Variants in PCDHGB4 observed in about 807,000 individuals in gnomAD.
PCDHGB4 encodes the protein protocadherin gamma subfamily B, 4.
Under a neutral mutation model 60.5 loss-of-function variants are expected in PCDHGB4, and 38 were observed. That is an observed-to-expected ratio of 0.63 (90% CI 0.48 to 0.82). PCDHGB4 has a LOEUF of 0.82. PCDHGB4 is among the 40% of genes least tolerant of loss of function. The pLI, the probability that PCDHGB4 is intolerant of heterozygous loss-of-function variation, is 0.00. For missense variants in PCDHGB4, 1,109 were observed against 1,209.6 expected (o/e 0.92, Z 1.23); for synonymous variants, 456 against 509.7 (o/e 0.89, Z 1.42).
rs1267965791 is a variant in PCDHGB4, at chr5:141,431,329, G to C, written c.2397+41048G>C. 1 of 1,614,002 alleles carries C rather than the reference G, an allele frequency of 6.2e-7. No individual in the cohort carries two copies. Among genetic ancestry groups the C allele is most frequent in the East Asian group, 2.2e-5 (1 of 44,904 alleles). On this transcript the variant is annotated intron_variant, in intron 1 of 3. Coordinates refer to ENST00000519479, the MANE Select transcript of PCDHGB4 (RefSeq NM_003736.4). The surrounding 1 kb of genome is among the most constrained non-coding windows in gnomAD (Gnocchi z 4.8). ...TGCAAAATGGAGCCGACGGTAGTAA[G>C]TACCCCGAATTGGTGCTGAAACGCG...
intron 1 of PCDHGB4, among the ~76,000 whole-genome samples, chr5:141,406,024 G>A (rs2094747494): frequency 6.6e-6 from 1 of 151,462 alleles, no homozygotes; most frequent in Admixed American, 6.6e-5. Flanking sequence ...TTTTTGGGTA[G>A]GGTTGCTTCA....
intron 1 of PCDHGB4, chr5:141,421,253 A>G: frequency 6.2e-7 from 1 of 1,607,298 alleles, no homozygotes; most frequent in South Asian, 1.1e-5. Context: ...CAGCGCGGGG[A>G]CCGCAGTCGG....
intron 1 of PCDHGB4, among the ~76,000 whole-genome samples, chr5:141,459,101 C>A (rs1021289352): frequency 6.6e-6 from 1 of 152,192 alleles, no homozygotes; most frequent in Non-Finnish European, 1.5e-5. Context: ...CAGTGCAATG[C>A]ATTTTGACAA....
At chr5:141,417,787 T>C in intron 1 of PCDHGB4, 1 of 1,477,124 alleles carries the variant, frequency 6.8e-7, no homozygotes, top group Non-Finnish European at 9.0e-7. Flanking sequence ...CTGGGCCGAA[T>C]GCTCTTTTAG....
intron 1 of PCDHGB4, among the ~76,000 whole-genome samples, chr5:141,449,589 A>G (rs1196329432): frequency 7.6e-6 from 1 of 131,966 alleles, no homozygotes; most frequent in Non-Finnish European, 1.7e-5. Context: ...ACTCTGTCTC[A>G]AAAAAAAAAA....
intron 1 of PCDHGB4, chr5:141,392,992 C>T (rs1233401263): frequency 1.2e-6 from 2 of 1,613,700 alleles, no homozygotes; most frequent in Non-Finnish European, 8.5e-7. Flanking sequence ...CGGAAGCTGG[C>T]GAAGCACGGA....
intron 1 of PCDHGB4, chr5:141,413,440 A>G (rs4912751): frequency 0.46 from 738,760 of 1,613,878 alleles, 177,316 homozygotes; most frequent in African/African-American, 0.83. Flanking sequence ...CGGCAGCTTG[A>G]TCACCGCGGG....
chr5:141,499,731 C>T (rs2099794093), intron 2 of PCDHGB4, among the ~76,000 whole-genome samples: 1 of 138,132 alleles, frequency 7.2e-6, no homozygotes, highest in African/African-American at 2.7e-5. Context: ...GTCTCACTCT[C>T]TTGCCCAGGC....
At chr5:141,473,168 A>G (rs1026233643) in intron 1 of PCDHGB4, among the ~76,000 whole-genome samples, 2 of 152,218 alleles carry the variant, frequency 1.3e-5, no homozygotes, top group Admixed American at 1.3e-4. Context: ...AGGAAGGCCC[A>G]CTGGTAACTT....
chr5:141,478,461 T>C, intron 1 of PCDHGB4: 1 of 1,613,254 alleles, frequency 6.2e-7, no homozygotes, highest in East Asian at 2.2e-5. Flanking sequence ...GCCAGTCCAC[T>C]GGCCAGCCGC....
Position 141,408,693 on chromosome 5 carries a change from TAAACTC to T in PCDHGB4, c.2397+18415_2397+18420del, listed in dbSNP as rs1561714743. 1.9e-6 allele frequency: 3 copies of T among 1,613,768 alleles called. No homozygotes were observed. In the African/African-American group the frequency reaches 4.0e-5, roughly 22 times the overall value. On this transcript the variant is annotated intron_variant, in intron 1 of 3. Coordinates refer to ENST00000519479, the MANE Select transcript of PCDHGB4 (RefSeq NM_003736.4). The stretch of plus-strand genomic sequence containing the variant: ...CCTGCCACGGATCCTGATATAAACA[TAAACTC>T]AATTAAAGATTATAAGATAAACTCT...
At chr5:141,431,000 A>G (rs1272572092) in intron 1 of PCDHGB4, 4 of 1,613,898 alleles carry the variant, frequency 2.5e-6, no homozygotes, top group African/African-American at 1.3e-5. Flanking sequence ...GAATCCGCGC[A>G]GCGGCAGCTT....
At position 141,389,985 on chromosome 5, in the gene PCDHGB4, T is replaced by C. The variant is rs754723585; in HGVS notation, c.2101T>C (p.Phe701Leu). ...VVALALISVL[F>L]LVAMILAIAL... ...GGCCTTGGCCTTGATCTCAGTGCTC[T>C]TCCTCGTGGCCATGATTCTGGCCAT... Residue 701 changes from phenylalanine to leucine, a missense_variant, in exon 1 of 4, where the codon TTC (phenylalanine) becomes CTC (leucine). Phe to Leu is a conservative substitution (Grantham distance 22). Around this residue, in one of 2 missense-constraint regions of PCDHGB4, gnomAD observed 1,068 missense variants for 1,089.9 expected, o/e 0.98. Coordinates refer to ENST00000519479, the MANE Select transcript of PCDHGB4 (RefSeq NM_003736.4). The C allele has an allele frequency of 3.1e-6, 5 of 1,614,006 alleles. No homozygotes were observed. The highest frequency in any genetic ancestry group is 4.2e-6 in the Non-Finnish European group (5 of 1,179,878).
In PCDHGB4 at chr5:141,410,323, G is replaced by T. The variant is rs1415994094; in HGVS notation, c.2397+20042G>T. 3.7e-6 allele frequency: 6 copies of T among 1,613,884 alleles called. No homozygotes were observed. The South Asian group carries it at 5.5e-5, about 15-fold the overall frequency. ...TCTCAGTGCTCTTCCTCCTCGCCGT[G>T]ATTCTGGCCATTGCCTTGCGCCTGC... is the stretch of plus-strand genomic sequence containing the variant. On this transcript the variant is annotated intron_variant, in intron 1 of 3. Transcript: ENST00000519479.
At chr5:141,403,949 G>C (rs1167033357) in intron 1 of PCDHGB4, 2 of 1,613,886 alleles carry the variant, frequency 1.2e-6, no homozygotes, top group Non-Finnish European at 1.7e-6. Flanking sequence ...GTGGACAAAA[G>C]TGCTCATTTC....
rs1340999969 is a variant in PCDHGB4, at chr5:141,388,274, G to A, written c.390G>A (p.Thr130=). 1 of 1,590,544 alleles carries A rather than the reference G, an allele frequency of 6.3e-7. No individual in the cohort carries two copies. Among genetic ancestry groups the A allele is most frequent in the African/African-American group, 1.5e-5 (1 of 67,588 alleles). Residue 130 remains threonine (T), a synonymous_variant, in exon 1 of 4, where the codon ACG becomes ACA. Coordinates refer to ENST00000519479, the MANE Select transcript of PCDHGB4 (RefSeq NM_003736.4). ...AGATCGAGGACATTAATGACCACAC[G>A]CCAAAATTCACGCAAAATTCCTTTG... ...NVEIEDINDH[T]PKFTQNSFEL... is the part of the protein sequence containing the mutation.
intron 1 of PCDHGB4, chr5:141,433,370 T>TCTAA (rs1466476027): frequency 1.8e-6 from 1 of 554,768 alleles, no homozygotes; most frequent in African/African-American, 1.9e-5. Context: ...TATCTATCTA[T>TCTAA]CTATCTATCT....
At chr5:141,419,570 G>A (rs751047365) in intron 1 of PCDHGB4, 3 of 1,611,764 alleles carry the variant, frequency 1.9e-6, no homozygotes, top group Non-Finnish European at 2.5e-6. Flanking sequence ...GGGTCCCGAC[G>A]GCTCCGCGCT....
rs1452602466 is a variant in PCDHGB4 at position 141,481,941 on chromosome 5, C to A, written c.2398-12866C>A. Among the ~76,000 whole-genome samples, 4 of 146,990 alleles carry A rather than the reference C, an allele frequency of 2.7e-5. No individual in the cohort carries two copies. The Admixed American group carries it at 2.7e-4, about 10-fold the overall frequency. On this transcript the variant is annotated intron_variant, in intron 1 of 3. Coordinates refer to ENST00000519479, the MANE Select transcript of PCDHGB4 (RefSeq NM_003736.4). ...AAAAAAAAAAAAAAAAAAAATCAGC[C>A]AGATGTGGTGGCAGGTGCCTGTAGT...
Sources: gnomAD v4.1 joint callset for allele counts (sites outside exome capture counted in the v4.1 genomes callset) on GRCh38, gnomAD v4.1.1 for gene constraint, gnomAD v4.1.1 regional missense constraint, Gnocchi (gnomAD v3.1) non-coding constraint, MANE v1.5 for transcripts, NCBI Gene and HGNC (gene_info 2026-07-23, HGNC 2026-07-21) for gene names.